The following DEFB112 variants were observed in gnomAD, a reference collection of about 807,000 sequenced individuals.
DEFB112 encodes the protein beta-defensin 112.
Under a neutral mutation model 1.1 loss-of-function variants are expected in DEFB112, and 2 were observed. The observed-to-expected ratio is 1.85, with a 90% confidence interval of 0.76 to 5.83. The LOEUF (loss-of-function observed/expected upper bound fraction) is 5.83, where lower values mean the gene tolerates loss of function less well. Ranked by LOEUF, DEFB112 falls within the 30% of genes most tolerant of loss-of-function variation. DEFB112 has a pLI of 0.05. For missense variants in DEFB112, 120 were observed against 94.4 expected (o/e 1.27, Z -1.12); for synonymous variants, 40 against 31.2 (o/e 1.28, Z -0.93).
intron 1 of DEFB112, chr6:50,048,607 C>T (rs773888964): frequency 4.3e-6 from 7 of 1,613,506 alleles, no homozygotes; most frequent in South Asian, 3.3e-5. Context: ...TCTTTGAGTA[C>T]ATTTTTTCAA....
At chr6:50,049,242 G>A (rs1774888731) in intron 1 of DEFB112, among the ~76,000 whole-genome samples, 1 of 151,992 alleles carries the variant, frequency 6.6e-6, no homozygotes, top group South Asian at 2.1e-4. Flanking sequence ...TACCTCCTCT[G>A]ATCTCAATAC....
chr6:50,048,657 T>G (rs1179491190), intron 1 of DEFB112: 5 of 1,598,528 alleles, frequency 3.1e-6, no homozygotes, highest in East Asian at 4.5e-5. Context: ...TTCATAAGAG[T>G]GCTAAGAGGT....
intron 1 of DEFB112, among the ~76,000 whole-genome samples, chr6:50,044,172 C>A (rs556186425): frequency 1.8e-4 from 27 of 152,140 alleles, no homozygotes; most frequent in Non-Finnish European, 3.4e-4. Context: ...GGTAAATGTT[C>A]TCTTCCTTTT....
chr6:50,043,021 G>A lies in DEFB112; in HGVS notation c.*554C>T, dbSNP rs1774770373. On this transcript the variant is annotated 3_prime_UTR_variant, in exon 2 of 2. Transcript: ENST00000651554. ...ATTCTTCTTTTCCTTCCTCAACCTA[G>A]TCTCCCTCTATTCTACCTTTTGAGA... Among the ~76,000 whole-genome samples, 1 of 151,736 alleles carries A rather than the reference G, an allele frequency of 6.6e-6. No individual in the cohort carries two copies. Among genetic ancestry groups the A allele is most frequent in the Admixed American group, 6.6e-5 (1 of 15,192 alleles).
At chr6:50,046,221 C>G (rs1233117586) in intron 1 of DEFB112, among the ~76,000 whole-genome samples, 3 of 141,278 alleles carry the variant, frequency 2.1e-5, no homozygotes, top group Middle Eastern at 3.7e-3. Context: ...TTGAGGAGCA[C>G]TGTGTGTGTG....
chr6:50,048,598 C>T, intron 1 of DEFB112: 4 of 1,613,548 alleles, frequency 2.5e-6, no homozygotes, highest in Non-Finnish European at 2.5e-6. Flanking sequence ...ATGTATTTGT[C>T]TTTGAGTACA....
chr6:50,049,415 C>T (rs986847769), intron 1 of DEFB112, among the ~76,000 whole-genome samples: 7 of 152,072 alleles, frequency 4.6e-5, no homozygotes, highest in Non-Finnish European at 8.8e-5. Flanking sequence ...CTATAAATAT[C>T]ACTGTGGGGA....
At chr6:50,046,992 G>C (rs937372139) in intron 1 of DEFB112, among the ~76,000 whole-genome samples, 2 of 152,188 alleles carry the variant, frequency 1.3e-5, no homozygotes, top group African/African-American at 4.8e-5. Flanking sequence ...GATGACTATG[G>C]CTGTGGAGCT....
At chr6:50,048,526 T>C (rs765968905) in intron 1 of DEFB112, 2 of 1,598,006 alleles carry the variant, frequency 1.3e-6, no homozygotes, top group South Asian at 2.2e-5. Flanking sequence ...ATTCTACTTA[T>C]TTTGTTTTAC....
rs543547327 is a variant in DEFB112 at position 50,043,643 on chromosome 6, G to A, written c.217C>T (p.Pro73Ser). 18 of 1,613,400 alleles carry A rather than the reference G, an allele frequency of 1.1e-5. No homozygotes were observed. In the African/African-American group the frequency reaches 1.6e-4, roughly 14 times the overall value. ...CCVTECDPTD[P>S]NNWIPKDSVG... ...GAGTCCTTTGGGATCCAATTATTTG[G>A]GTCCGTAGGGTCACATTCTGTCACG... Residue 73 changes from proline (P) to serine (S), a missense_variant, in exon 2 of 2, where the codon CCA becomes TCA. Pro to Ser is a moderately conservative substitution (Grantham distance 74). Transcript: ENST00000651554.
Position 50,042,694 on chromosome 6 carries a change from C to T in DEFB112, c.*881G>A, listed in dbSNP as rs1191832361. 6.6e-6 allele frequency among the ~76,000 whole-genome samples: 1 copy of T among 152,026 alleles called. No individual in the cohort carries two copies. The highest frequency in any genetic ancestry group is 1.5e-5 in the Non-Finnish European group (1 of 67,944). On this transcript the variant is annotated 3_prime_UTR_variant, in exon 2 of 2. Coordinates refer to ENST00000651554, the MANE Select transcript of DEFB112 (RefSeq NM_001369057.2). ...CTAGGTGAGGTATTAAGACCAACTG[C>T]TGACCCTTTCCCTCAAGGCCACAAT...
At chr6:50,046,488 GT>G (rs1484304377) in intron 1 of DEFB112, among the ~76,000 whole-genome samples, 5 of 152,160 alleles carry the variant, frequency 3.3e-5, no homozygotes, top group African/African-American at 1.2e-4. Flanking sequence ...ATAATCTTCT[GT>G]TGGATAGATT....
intron 1 of DEFB112, among the ~76,000 whole-genome samples, chr6:50,049,271 T>A (rs1445119817): frequency 6.6e-6 from 1 of 152,048 alleles, no homozygotes; most frequent in Non-Finnish European, 1.5e-5. Flanking sequence ...ATCTTGATAA[T>A]CAGAGAAAGC....
At chr6:50,047,353 T>G (rs1436244683) in intron 1 of DEFB112, among the ~76,000 whole-genome samples, 1 of 152,154 alleles carries the variant, frequency 6.6e-6, no homozygotes, top group Non-Finnish European at 1.5e-5. Flanking sequence ...CAGTGTTGGG[T>G]CCAAGGCTAA....
intron 1 of DEFB112, among the ~76,000 whole-genome samples, chr6:50,049,142 G>A (rs1354418219): frequency 6.6e-6 from 1 of 152,056 alleles, no homozygotes; most frequent in Non-Finnish European, 1.5e-5. Context: ...CCCTTTTGGT[G>A]AGAAATTATT....
chr6:50,046,641 T>G (rs1014319264), intron 1 of DEFB112, among the ~76,000 whole-genome samples: 8 of 152,086 alleles, frequency 5.3e-5, no homozygotes, highest in African/African-American at 1.9e-4. Context: ...TTTTTTCATA[T>G]TTCTGCTGAA....
At chr6:50,049,762 C>T (rs75805642) in intron 1 of DEFB112, among the ~76,000 whole-genome samples, 50 bp downstream of exon 1, 3,645 of 151,910 alleles carry the variant, frequency 0.024, 145 homozygotes, top group African/African-American at 0.084. Context: ...CCCAGCTCCC[C>T]GACTTTAATG....
At chr6:50,048,047 T>A (rs1314093055) in intron 1 of DEFB112, among the ~76,000 whole-genome samples, 4 of 151,552 alleles carry the variant, frequency 2.6e-5, no homozygotes, top group Non-Finnish European at 5.9e-5. Flanking sequence ...CTCCGGAGGC[T>A]GAAGCAGGAG....
At chr6:50,045,891 T>A (rs1306234577) in intron 1 of DEFB112, among the ~76,000 whole-genome samples, 3 of 152,172 alleles carry the variant, frequency 2.0e-5, no homozygotes, top group Non-Finnish European at 4.4e-5. Context: ...ATAATTTGAC[T>A]CAATTTTTCA....
Sources: gnomAD v4.1 joint callset for allele counts (sites outside exome capture counted in the v4.1 genomes callset) on GRCh38, gnomAD v4.1.1 for gene constraint, MANE v1.5 for transcripts, NCBI Gene and HGNC (gene_info 2026-07-23, HGNC 2026-07-21) for gene names.